The following WT1 variants were observed in gnomAD, a reference collection of about 807,000 sequenced individuals.
WT1 encodes the protein Wilms tumor protein.
A neutral mutation model predicts 60.8 loss-of-function variants in WT1; 8 were observed. The ratio of observed to expected loss-of-function variants is 0.13; its 90% CI spans 0.08 to 0.24. The LOEUF (loss-of-function observed/expected upper bound fraction) is 0.24. Among genes scored for constraint, WT1 ranks in the 10% least tolerant of loss-of-function variants. The probability of loss-of-function intolerance (pLI) is 1.00; values close to 1 mark genes in which losing one functional copy is unlikely to be tolerated. For missense variants in WT1, 568 were observed against 711.8 expected (o/e 0.80, Z 2.30); for synonymous variants, 312 against 297.1 (o/e 1.05, Z -0.52).
At chr11:32,427,116 G>A (rs1853074954) in intron 3 of WT1, among the ~76,000 whole-genome samples, 1 of 152,206 alleles carries the variant, frequency 6.6e-6, no homozygotes, top group Non-Finnish European at 1.5e-5. Context: ...CCCAATCCCG[G>A]GCCGCACAGG....
At chr11:32,432,208 A>C (rs937368410) in intron 1 of WT1, among the ~76,000 whole-genome samples, 1 of 152,226 alleles carries the variant, frequency 6.6e-6, no homozygotes, top group Non-Finnish European at 1.5e-5. Flanking sequence ...CTGCCTGTGC[A>C]CCATGGCTAG....
At chr11:32,400,274 G>A (rs1046343150) in intron 5 of WT1, 1 of 609,136 alleles carries the variant, frequency 1.6e-6, no homozygotes, top group South Asian at 1.8e-5. Context: ...ATTCTCGTAG[G>A]CGTGCACCGT....
chr11:32,392,225 C>G (rs577653036), intron 8 of WT1, among the ~76,000 whole-genome samples, 161 bp from the exon 9 acceptor site: 1 of 152,188 alleles, frequency 6.6e-6, no homozygotes, highest in Non-Finnish European at 1.5e-5. Context: ...CCAGGCCCAA[C>G]AAGAATCACT....
At chr11:32,391,950 A>G (rs768375130) in intron 9 of WT1, 22 bp downstream of exon 9, 1 of 1,602,786 alleles carries the variant, frequency 6.2e-7, no homozygotes, top group South Asian at 1.1e-5. Flanking sequence ...TGAAAAATAA[A>G]TGTGAAGAAA....
At chr11:32,405,744 A>G (rs1053625483) in intron 5 of WT1, among the ~76,000 whole-genome samples, 2 of 152,158 alleles carry the variant, frequency 1.3e-5, no homozygotes, top group Non-Finnish European at 2.9e-5. Context: ...TATGCACTCA[A>G]TAAGTGTTAA....
chr11:32,389,005 C>A lies in WT1; in HGVS notation c.*53G>T, dbSNP rs1422395057. 1 of 1,613,418 alleles carries A rather than the reference C, an allele frequency of 6.2e-7. No homozygotes were observed. Among genetic ancestry groups the A allele is most frequent in the South Asian group, 1.1e-5 (1 of 91,014 alleles). ...AGGAGTGGAGAGTCAGACTTGAAAG[C>A]AGTTCACACACTGTGCTGCCTGGGA... is the stretch of plus-strand genomic sequence containing the variant. On this transcript the variant is annotated 3_prime_UTR_variant, in exon 10 of 10. Transcript: ENST00000452863.
At chr11:32,430,798 G>C (rs917398335) in intron 1 of WT1, 4 of 1,311,902 alleles carry the variant, frequency 3.0e-6, no homozygotes, top group African/African-American at 1.5e-5. Flanking sequence ...CCCCCGGGAG[G>C]GGCAGTGGTG....
At position 32,396,129 on chromosome 11, in the gene WT1, G is replaced by A. The variant is rs147206676; in HGVS notation, c.1264+128C>T. The A allele has an allele frequency of 1.4e-5, 19 of 1,351,122 alleles. No homozygotes were observed. In the African/African-American group the frequency reaches 2.2e-4, roughly 15 times the overall value. The allele number at this position is 1,351,122 out of a possible 1,614,324, so 83.7% of individuals were successfully genotyped here. A position where few individuals can be genotyped will look rare whatever the true frequency, so the allele number is the denominator to read the frequency against. The stretch of plus-strand genomic sequence containing the variant: ...GCCCCACAGCCTCTTTACAACACCT[G>A]GATCAGACCTTTCAAAGCAGTGCTT... On this transcript the variant is annotated intron_variant, in intron 7 of 9. Coordinates refer to ENST00000452863, the MANE Select transcript of WT1 (RefSeq NM_024426.6).
chr11:32,421,123 G>C (rs1372575860), intron 3 of WT1, among the ~76,000 whole-genome samples: 1 of 152,156 alleles, frequency 6.6e-6, no homozygotes, highest in Non-Finnish European at 1.5e-5. Context: ...TGCTGGGGAG[G>C]GGACAAAAAT....
chr11:32,393,695 A>G (rs1262382259), intron 7 of WT1, among the ~76,000 whole-genome samples: 1 of 152,128 alleles, frequency 6.6e-6, no homozygotes, highest in Non-Finnish European at 1.5e-5. Context: ...AATGTCCCCC[A>G]TCCCTATCTC....
At chr11:32,405,368 T>G (rs1438457071) in intron 5 of WT1, among the ~76,000 whole-genome samples, 1 of 151,978 alleles carries the variant, frequency 6.6e-6, no homozygotes, top group Non-Finnish European at 1.5e-5. Flanking sequence ...TTTTAAAGAA[T>G]CACTGTCGGG....
chr11:32,434,376 C>A (rs1458717260), intron 1 of WT1, among the ~76,000 whole-genome samples: 5 of 152,242 alleles, frequency 3.3e-5, no homozygotes, highest in African/African-American at 1.2e-4. Flanking sequence ...CCAGACACTG[C>A]GCCGGTCTCC....
At chr11:32,410,961 T>G (rs1564983271) in intron 5 of WT1, among the ~76,000 whole-genome samples, 10 of 152,098 alleles carry the variant, frequency 6.6e-5, no homozygotes. Flanking sequence ...GAAGGATAAA[T>G]GGTGAGTAGA....
intron 5 of WT1, among the ~76,000 whole-genome samples, chr11:32,411,183 C>A (rs1388338010): frequency 6.6e-6 from 1 of 152,110 alleles, no homozygotes; most frequent in Non-Finnish European, 1.5e-5. Flanking sequence ...CCATCCCAAC[C>A]TTTCTTTCCT....
chr11:32,434,688 C>T lies in WT1; in HGVS notation c.661+12G>A, dbSNP rs752083059. 4 of 1,612,604 alleles carry T rather than the reference C, an allele frequency of 2.5e-6. No homozygotes were observed. The highest frequency in any genetic ancestry group is 2.2e-5 in the East Asian group (1 of 44,880). ...TGCCCCGCGCGTAGGGGGCGCTCCC[C>T]GGCCTACTTACCCTGATTGCGAATA... On this transcript the variant is annotated intron_variant, in intron 1 of 9. Coordinates refer to ENST00000452863, the MANE Select transcript of WT1 (RefSeq NM_024426.6).
intron 3 of WT1, among the ~76,000 whole-genome samples, chr11:32,427,065 C>A (rs1409109844): frequency 6.6e-6 from 1 of 152,210 alleles, no homozygotes; most frequent in Non-Finnish European, 1.5e-5. Context: ...GTGTCAGGAT[C>A]CCCGAGCACC....
intron 5 of WT1, among the ~76,000 whole-genome samples, chr11:32,414,487 C>T (rs763851589): frequency 1.5e-4 from 23 of 152,158 alleles, no homozygotes; most frequent in Non-Finnish European, 2.6e-4. Flanking sequence ...ATTGTCCAAG[C>T]TGATCTCAAA....
intron 5 of WT1, among the ~76,000 whole-genome samples, chr11:32,406,208 T>A (rs1416997963): frequency 1.3e-5 from 2 of 152,120 alleles, no homozygotes; most frequent in African/African-American, 4.8e-5. Flanking sequence ...TGGAAGGTCA[T>A]TTTTCCACAG....
At chr11:32,393,401 C>A (rs988089687) in intron 7 of WT1, among the ~76,000 whole-genome samples, 1 of 152,188 alleles carries the variant, frequency 6.6e-6, no homozygotes, top group African/African-American at 2.4e-5. Flanking sequence ...AATGGAGAAG[C>A]CTCACCCCTG....
Sources: allele counts gnomAD v4.1 joint callset (sites outside exome capture counted in the v4.1 genomes callset), GRCh38; gene constraint gnomAD v4.1.1; transcripts MANE v1.5; gene names NCBI Gene and HGNC (gene_info 2026-07-23, HGNC 2026-07-21).